Variants in HHAT observed in about 807,000 individuals in gnomAD.
HHAT encodes the protein hedgehog acyltransferase.
HHAT carries 47 observed loss-of-function variants against 70.8 expected under a neutral mutation model. That is an observed-to-expected ratio of 0.66 (90% CI 0.53 to 0.85). The LOEUF (loss-of-function observed/expected upper bound fraction) is 0.85. HHAT is among the 40% of genes least tolerant of loss of function. The probability of loss-of-function intolerance (pLI) is 0.00; values close to 1 mark genes in which losing one functional copy is unlikely to be tolerated. For synonymous variants in HHAT, 228 were observed against 247.6 expected, an observed-to-expected ratio of 0.92 and a Z score of 0.74; for missense variants, 609 against 604.8, an observed-to-expected ratio of 1.01 and a Z score of -0.07.
chr1:210,452,874 G>T (rs1397623386), intron 7 of HHAT, among the ~76,000 whole-genome samples: 1 of 152,196 alleles, frequency 6.6e-6, no homozygotes, highest in Non-Finnish European at 1.5e-5. Flanking sequence ...AAAGTTGGTT[G>T]TTCTTACATG....
intron 9 of HHAT, among the ~76,000 whole-genome samples, chr1:210,561,999 G>A (rs74377646): frequency 0.06 from 9,088 of 152,216 alleles, 863 homozygotes; most frequent in African/African-American, 0.2. Flanking sequence ...TAAATGAATG[G>A]ATGAATATGA....
At chr1:210,463,063 C>A (rs1030361540) in intron 7 of HHAT, 2 of 151,982 alleles carry the variant, frequency 1.3e-5, no homozygotes, top group African/African-American at 4.8e-5. Flanking sequence ...TGGCCTGTGG[C>A]CTTCTTGTGG....
chr1:210,526,175 G>A (rs371058297), intron 9 of HHAT, among the ~76,000 whole-genome samples: 1 of 152,094 alleles, frequency 6.6e-6, no homozygotes, highest in Admixed American at 6.5e-5. Flanking sequence ...GGAGTCCTAC[G>A]CGCAGCACTG....
intron 11 of HHAT, among the ~76,000 whole-genome samples, chr1:210,653,920 TGG>T (rs1675730470): frequency 3.6e-3 from 1 of 276 alleles, no homozygotes; most frequent in Admixed American, 0.05. Context: ...AGTGTGACAG[TGG>T]AATACTGTGA....
chr1:210,362,809 T>A, intron 2 of HHAT, 43 bp from the exon 3 acceptor site: 1 of 1,539,890 alleles, frequency 6.5e-7, no homozygotes, highest in Non-Finnish European at 9.0e-7. Context: ...AGCCCAGTTT[T>A]GTTTAGATTT....
At chr1:210,576,476 T>A (rs533881124) in intron 9 of HHAT, among the ~76,000 whole-genome samples, 1 of 122,682 alleles carries the variant, frequency 8.2e-6, no homozygotes, top group Admixed American at 1.1e-4. Flanking sequence ...TGAGAACACA[T>A]GGACACAGGA....
chr1:210,463,837 T>A (rs923305438), intron 7 of HHAT, among the ~76,000 whole-genome samples: 2 of 152,240 alleles, frequency 1.3e-5, no homozygotes, highest in African/African-American at 4.8e-5. Flanking sequence ...TTTTCGATTC[T>A]AGTTATCCTA....
chr1:210,559,693 T>G (rs1019336104), intron 9 of HHAT, among the ~76,000 whole-genome samples: 6 of 152,194 alleles, frequency 3.9e-5, no homozygotes, highest in Admixed American at 1.3e-4. Context: ...CTGGTCTCTG[T>G]GTGCTCAGAA....
chr1:210,584,664 A>G (rs916171503), intron 9 of HHAT, among the ~76,000 whole-genome samples: 2 of 152,150 alleles, frequency 1.3e-5, no homozygotes, highest in African/African-American at 2.4e-5. Context: ...CTCTTTGCCT[A>G]GCAAAACTCA....
intron 9 of HHAT, among the ~76,000 whole-genome samples, chr1:210,561,930 T>A (rs941059815): frequency 2.0e-5 from 3 of 152,200 alleles, no homozygotes; most frequent in African/African-American, 7.2e-5. Flanking sequence ...GCCTGACACC[T>A]GATAGTCACT....
chr1:210,621,389 A>C (rs1400907930), intron 10 of HHAT, among the ~76,000 whole-genome samples: 1 of 152,186 alleles, frequency 6.6e-6, no homozygotes, highest in Non-Finnish European at 1.5e-5. Flanking sequence ...ATGTCTTGTT[A>C]GTAACCGCAG....
chr1:210,403,456 A>G (rs1332154443), intron 5 of HHAT, among the ~76,000 whole-genome samples: 1 of 152,232 alleles, frequency 6.6e-6, no homozygotes, highest in African/African-American at 2.4e-5. Context: ...AGTGATTTGA[A>G]AAACACTGAG....
intron 8 of HHAT, among the ~76,000 whole-genome samples, chr1:210,488,778 A>G (rs1347056557): frequency 6.6e-6 from 1 of 152,098 alleles, no homozygotes; most frequent in Non-Finnish European, 1.5e-5. Flanking sequence ...CTGTAGTCCT[A>G]GCTACTCAGG....
intron 9 of HHAT, among the ~76,000 whole-genome samples, chr1:210,566,069 G>A (rs1276572265): frequency 6.6e-6 from 1 of 152,074 alleles, no homozygotes; most frequent in African/African-American, 2.4e-5. Context: ...TCACCTCATA[G>A]TTAGTTGGAT....
chr1:210,333,704 A>G (rs1263907735), intron 1 of HHAT, among the ~76,000 whole-genome samples: 1 of 151,300 alleles, frequency 6.6e-6, no homozygotes, highest in Non-Finnish European at 1.5e-5. Context: ...GTCACACAGG[A>G]TGGAGTGCAG....
intron 9 of HHAT, among the ~76,000 whole-genome samples, chr1:210,543,395 T>A (rs1023258328): frequency 1.3e-5 from 2 of 151,738 alleles, no homozygotes; most frequent in Admixed American, 1.3e-4. Context: ...AGGGAATTGT[T>A]CAAATAATCT....
intron 7 of HHAT, among the ~76,000 whole-genome samples, chr1:210,445,683 T>A (rs147092645): frequency 1.3e-5 from 2 of 152,326 alleles, no homozygotes; most frequent in African/African-American, 4.8e-5. Flanking sequence ...TCATTTTTCT[T>A]TGTTGACATC....
intron 11 of HHAT, among the ~76,000 whole-genome samples, chr1:210,642,810 T>C (rs1457238815): frequency 4.6e-5 from 7 of 152,212 alleles, no homozygotes; most frequent in Admixed American, 3.3e-4. Context: ...TTTTACTCTT[T>C]TAATGATGTT....
intron 6 of HHAT, among the ~76,000 whole-genome samples, chr1:210,407,212 C>CT (rs2148224782): frequency 6.6e-6 from 1 of 152,284 alleles, no homozygotes; most frequent in South Asian, 2.1e-4. Flanking sequence ...AAGGAAAAGG[C>CT]TGGGAGGTGG....
Sources: allele counts gnomAD v4.1 joint callset (sites outside exome capture counted in the v4.1 genomes callset), GRCh38; gene constraint gnomAD v4.1.1; transcripts MANE v1.5; gene names NCBI Gene and HGNC (gene_info 2026-07-23, HGNC 2026-07-21).